The following KRT12 variants were observed in gnomAD, a reference collection of about 807,000 sequenced individuals.
KRT12 encodes keratin, type I cytoskeletal 12.
Under a neutral mutation model 50.2 loss-of-function variants are expected in KRT12, and 43 were observed. That is an observed-to-expected ratio of 0.86 (90% CI 0.67 to 1.11). The LOEUF (loss-of-function observed/expected upper bound fraction) is 1.11, where lower values mean the gene tolerates loss of function less well. KRT12 is among the 50% of genes least tolerant of loss of function. KRT12 has a pLI of 0.00. For synonymous variants in KRT12, 257 were observed against 253.6 expected, an observed-to-expected ratio of 1.01 and a Z score of -0.13; for missense variants, 588 against 625.6, an observed-to-expected ratio of 0.94 and a Z score of 0.64.
intron 2 of KRT12, among the ~76,000 whole-genome samples, chr17:40,865,776 C>G (rs1365903464): frequency 6.6e-6 from 1 of 151,842 alleles, no homozygotes; most frequent in Non-Finnish European, 1.5e-5. Flanking sequence ...TGCAGTGAGC[C>G]GAGATCGCGT....
chr17:40,863,379 TGGAGGGGACCGAAAAGA>T lies in KRT12; in HGVS notation c.1096-53_1096-37del. Reference sequence around the variant, plus strand: ...GAGGGAAATGGCATAGAAATAACGATGGAGGGGACCGAAAAGAGGAGGGTAGCCAACGGCTAATGTAA... The same window carrying T: ...GAGGGAAATGGCATAGAAATAACGATGGAGGGTAGCCAACGGCTAATGTAA... On this transcript the variant is annotated intron_variant, in intron 5 of 7. Transcript: ENST00000251643. This position sits in a 1 kb window ranked among gnomAD's most constrained non-coding sequence, Gnocchi z 4.2. 6.2e-7 allele frequency: 1 copy of T among 1,613,340 alleles called. No individual in the cohort carries two copies. Among genetic ancestry groups the T allele is most frequent in the African/African-American group, 1.3e-5 (1 of 75,046 alleles).
chr17:40,863,627 A>G lies in KRT12; in HGVS notation c.970-17T>C. 6.2e-7 allele frequency: 1 copy of G among 1,614,250 alleles called. No individual in the cohort carries two copies. The highest frequency in any genetic ancestry group is 8.5e-7 in the Non-Finnish European group (1 of 1,180,034). On this transcript the variant is annotated splice_polypyrimidine_tract_variant and intron_variant, in intron 4 of 7. Transcript: ENST00000251643. The surrounding 1 kb of genome is among the most constrained non-coding windows in gnomAD (Gnocchi z 4.2). The stretch of plus-strand genomic sequence containing the variant: ...CTCCCCGCTCTGCAACAGCAAAGAC[A>G]GCCAGGGGGCTCGAGCGCTGAGCTC...
In KRT12 at chr17:40,866,893, C is replaced by A; in HGVS notation, c.294G>T (p.Gly98=). The A allele has an allele frequency of 6.2e-7, 1 of 1,614,036 alleles. No individual in the cohort carries two copies. Among genetic ancestry groups the A allele is most frequent in the Non-Finnish European group, 8.5e-7 (1 of 1,179,988 alleles). Residue 98 remains glycine (G), a synonymous_variant, in exon 1 of 8, where the codon GGG becomes GGT. Transcript: ENST00000251643. ...ALGGGSFGGL[G]MGFGGSPGGG... is the part of the protein sequence containing the mutation. ...CTCCTGGGCTGCCCCCAAATCCCAT[C>A]CCCAGCCCTCCAAAGCTACCTCCAC...
intron 1 of KRT12, 39 bp from the exon 2 acceptor site, chr17:40,866,276 A>G (rs768987637): frequency 6.9e-7 from 1 of 1,453,616 alleles, no homozygotes; most frequent in South Asian, 1.1e-5. Context: ...TTGAAGCCCT[A>G]AAAGACTAGT....
Position 40,863,512 on chromosome 17 carries a change from C to T in KRT12, c.1068G>A (p.Glu356=). 6.2e-7 allele frequency: 1 copy of T among 1,614,254 alleles called. No individual in the cohort carries two copies. The highest frequency in any genetic ancestry group is 1.1e-5 in the South Asian group (1 of 91,084). ...TDLRRAFQNL[E]IELQSQLAMK... ...TGGCGAGCTGGGACTGTAGCTCGAT[C>T]TCCAGGTTCTGAAAGGCGCGACGCA... Residue 356 remains glutamate (E), a synonymous_variant, in exon 5 of 8, where the codon GAG becomes GAA. Coordinates refer to ENST00000251643, the MANE Select transcript of KRT12 (RefSeq NM_000223.4). This position sits in a 1 kb window ranked among gnomAD's most constrained non-coding sequence, Gnocchi z 4.2.
In KRT12 at chr17:40,863,810, C is replaced by T. The variant is rs755608726; in HGVS notation, c.862G>A (p.Ala288Thr). The T allele has an allele frequency of 1.2e-6, 2 of 1,612,028 alleles. No individual in the cohort carries two copies. Among genetic ancestry groups the T allele is most frequent in the Admixed American group, 1.7e-5 (1 of 59,994 alleles). The change falls in exon 4 of 8, where the codon GCT becomes ACT. Residue 288 changes from alanine to threonine, a missense_variant. Coordinates refer to ENST00000251643, the MANE Select transcript of KRT12 (RefSeq NM_000223.4). The surrounding 1 kb of genome is among the most constrained non-coding windows in gnomAD (Gnocchi z 4.2). ...GPGEVSVEMDAAPGVDLTRLL... is the reference protein window; with the variant it reads ...GPGEVSVEMDTAPGVDLTRLL... ...CTGGTGAGGTCCACTCCGGGGGCAG[C>T]GTCCATTTCTACGCTGACCTCGCCT... is the stretch of plus-strand genomic sequence containing the variant.
Position 40,867,143 on chromosome 17 carries a change from G to T in KRT12, c.44C>A (p.Pro15His). 1 of 1,611,686 alleles carries T rather than the reference G, an allele frequency of 6.2e-7. No homozygotes were observed. The change falls in exon 1 of 8, where the codon CCC (proline) becomes CAC (histidine). Residue 15 changes from proline (P) to histidine (H), a missense_variant. Coordinates refer to ENST00000251643, the MANE Select transcript of KRT12 (RefSeq NM_000223.4). ...NNTMSLSVRT[P>H]GLSRRLSSQS... ...CGAGGAGAGCCGCCGGGACAGTCCG[G>T]GGGTGCGCACTGAGAGTGACATGGT...
In KRT12 at chr17:40,863,172, C is replaced by G. The variant is rs746977598; in HGVS notation, c.1267G>C (p.Glu423Gln). Residue 423 changes from glutamate (E) to glutamine (Q), a missense_variant, in exon 6 of 8, where the codon GAG becomes CAG. By Grantham distance (29) the Glu-to-Gln change is conservative. Coordinates refer to ENST00000251643, the MANE Select transcript of KRT12 (RefSeq NM_000223.4). This position sits in a 1 kb window ranked among gnomAD's most constrained non-coding sequence, Gnocchi z 4.2. ...QRLLNVKARLELEIETYRRLL... is the reference protein window; with the variant it reads ...QRLLNVKARLQLEIETYRRLL... ...CGGCGGTAGGTCTCAATCTCCAGCT[C>G]CAGGCGGGCCTTGACATTCAGCAGC... The G allele has an allele frequency of 1.2e-6, 2 of 1,614,168 alleles. No individual in the cohort carries two copies. The highest frequency in any genetic ancestry group is 1.7e-6 in the Non-Finnish European group (2 of 1,180,022).
rs146332400 is a variant in KRT12, at chr17:40,863,607, C to T, written c.973G>A (p.Gly325Arg). ...GTGCTAATCTCCTTACGGAGCTCCC[C>T]GCTCTGCAACAGCAAAGACAGCCAG... is the stretch of plus-strand genomic sequence containing the variant. Reference protein sequence around the residue: ...DAEAWFIEKSGELRKEISTNT... With the variant: ...DAEAWFIEKSRELRKEISTNT... Residue 325 changes from glycine (G) to arginine (R), a missense_variant, in exon 5 of 8, where the codon GGG becomes AGG. Transcript: ENST00000251643. The surrounding 1 kb of genome is among the most constrained non-coding windows in gnomAD (Gnocchi z 4.2). 14 of 1,614,106 alleles carry T rather than the reference C, an allele frequency of 8.7e-6. No individual in the cohort carries two copies. The highest frequency in any genetic ancestry group is 1.7e-5 in the Admixed American group (1 of 60,014).
intron 1 of KRT12, 65 bp from the exon 2 acceptor site, chr17:40,866,302 T>A (rs1164387665): frequency 2.3e-6 from 3 of 1,297,576 alleles, no homozygotes; most frequent in Non-Finnish European, 3.3e-6. Flanking sequence ...ACAAATATAT[T>A]TTTGACACAA....
At chr17:40,862,031 T>C (rs367905419) in intron 7 of KRT12, among the ~76,000 whole-genome samples, 37 of 152,170 alleles carry the variant, frequency 2.4e-4, no homozygotes, top group African/African-American at 8.4e-4. Flanking sequence ...GAGTAGGTTT[T>C]TTCCCTTCTG....
chr17:40,862,161 C>T (rs569811247), intron 7 of KRT12, among the ~76,000 whole-genome samples: 4 of 152,228 alleles, frequency 2.6e-5, no homozygotes, highest in South Asian at 2.1e-4. Context: ...CTCTAACTCC[C>T]GGGCTCAAGC....
In KRT12 at chr17:40,863,727, G is replaced by T. The variant is rs200871858; in HGVS notation, c.945C>A (p.Asp315Glu). 2 of 1,613,788 alleles carry T rather than the reference G, an allele frequency of 1.2e-6. No homozygotes were observed. Among genetic ancestry groups the T allele is most frequent in the East Asian group, 2.2e-5 (1 of 44,882 alleles). The change falls in exon 4 of 8, where the codon GAC becomes GAA. Residue 315 changes from aspartate to glutamate, a missense_variant. Physicochemically the swap from Asp to Glu is conservative, Grantham distance 45. Coordinates refer to ENST00000251643, the MANE Select transcript of KRT12 (RefSeq NM_000223.4). This position sits in a 1 kb window ranked among gnomAD's most constrained non-coding sequence, Gnocchi z 4.2. ...YETIAEQNRK[D>E]AEAWFIEKSG... ...CCTTTTCAATGAACCAGGCTTCAGC[G>T]TCCTTCCGATTCTGCTCAGCGATGG...
At chr17:40,864,997 A>G in intron 2 of KRT12, 35 bp from the exon 3 acceptor site, 3 of 1,612,916 alleles carry the variant, frequency 1.9e-6, no homozygotes, top group Non-Finnish European at 2.5e-6. Flanking sequence ...GAGGGAATCA[A>G]CACAACCATT....
In KRT12 at chr17:40,863,412, G is replaced by T; in HGVS notation, c.1096-69C>A. The T allele has an allele frequency of 6.2e-7, 1 of 1,613,658 alleles. No homozygotes were observed. The highest frequency in any genetic ancestry group is 1.1e-5 in the South Asian group (1 of 91,072). On this transcript the variant is annotated intron_variant, in intron 5 of 7. Coordinates refer to ENST00000251643, the MANE Select transcript of KRT12 (RefSeq NM_000223.4). This position sits in a 1 kb window ranked among gnomAD's most constrained non-coding sequence, Gnocchi z 4.2. Reference sequence around the variant, plus strand: ...ACCGAAAAGAGGAGGGTAGCCAACGGCTAATGTAATTTGGATGCAGCATTT... The same window carrying T: ...ACCGAAAAGAGGAGGGTAGCCAACGTCTAATGTAATTTGGATGCAGCATTT...
chr17:40,863,758 T>A lies in KRT12; in HGVS notation c.914A>T (p.Tyr305Phe), dbSNP rs770740019. Residue 305 changes from tyrosine to phenylalanine, a missense_variant, in exon 4 of 8, where the codon TAT (tyrosine) becomes TTT (phenylalanine). Transcript: ENST00000251643. The surrounding 1 kb of genome is among the most constrained non-coding windows in gnomAD (Gnocchi z 4.2). ...TRLLNDMRAQ[Y>F]ETIAEQNRKD... ...CCGATTCTGCTCAGCGATGGTTTCATACTGCGCCCGCATATCATTGAGGAG... is the reference window on the plus strand; with the variant it reads ...CCGATTCTGCTCAGCGATGGTTTCAAACTGCGCCCGCATATCATTGAGGAG... The A allele has an allele frequency of 6.2e-7, 1 of 1,613,334 alleles. No homozygotes were observed. Among genetic ancestry groups the A allele is most frequent in the South Asian group, 1.1e-5 (1 of 91,056 alleles).
chr17:40,863,537 A>G lies in KRT12; in HGVS notation c.1043T>C (p.Leu348Pro), dbSNP rs1906885108. The change falls in exon 5 of 8, where the codon CTG becomes CCG. Residue 348 changes from leucine to proline, a missense_variant. Transcript: ENST00000251643. This position sits in a 1 kb window ranked among gnomAD's most constrained non-coding sequence, Gnocchi z 4.2. Reference protein sequence around the residue: ...LQSSKSEVTDLRRAFQNLEIE... With the variant: ...LQSSKSEVTDPRRAFQNLEIE... ...CTCCAGGTTCTGAAAGGCGCGACGC[A>G]GGTCGGTGACCTCGCTCTTGCTGGA... is the stretch of plus-strand genomic sequence containing the variant. 6.2e-7 allele frequency: 1 copy of G among 1,614,250 alleles called. No homozygotes were observed.
Position 40,863,551 on chromosome 17 carries a change from G to A in KRT12, c.1029C>T (p.Ser343=), listed in dbSNP as rs763773322. 8 of 1,614,244 alleles carry A rather than the reference G, an allele frequency of 5.0e-6. No individual in the cohort carries two copies. The South Asian group carries it at 8.8e-5, about 18-fold the overall frequency. ...AGGCGCGACGCAGGTCGGTGACCTC[G>A]CTCTTGCTGGACTGAAGCTGCTCGG... The part of the protein sequence containing the change: ...TNTEQLQSSK[S]EVTDLRRAFQ... Residue 343 remains serine, a synonymous_variant, in exon 5 of 8, where the codon AGC becomes AGT. Coordinates refer to ENST00000251643, the MANE Select transcript of KRT12 (RefSeq NM_000223.4). The surrounding 1 kb of genome is among the most constrained non-coding windows in gnomAD (Gnocchi z 4.2).
rs1906915150 is a variant in KRT12, at chr17:40,863,960, A to ACACACACACG, written c.808-97_808-96insCGTGTGTGTG. ...TCCTCTTGGGCCCCTTCCTACACAC[A>ACACACACACG]CACACACACACACACACACACACAC... On this transcript the variant is annotated intron_variant, in intron 3 of 7. Coordinates refer to ENST00000251643, the MANE Select transcript of KRT12 (RefSeq NM_000223.4). The surrounding 1 kb of genome is among the most constrained non-coding windows in gnomAD (Gnocchi z 4.2). 3 of 609,396 alleles carry ACACACACACG rather than the reference A, an allele frequency of 4.9e-6. No individual in the cohort carries two copies. The Admixed American group carries it at 9.0e-5, about 18-fold the overall frequency. 37.7% of individuals were successfully genotyped at this position (609,396 alleles called of 1,614,324 possible). A position where few individuals can be genotyped will look rare whatever the true frequency, so the allele number is the denominator to read the frequency against.
Sources: allele counts gnomAD v4.1 joint callset (sites outside exome capture counted in the v4.1 genomes callset), GRCh38; gene constraint gnomAD v4.1.1; non-coding constraint Gnocchi (gnomAD v3.1); transcripts MANE v1.5; gene names NCBI Gene and HGNC (gene_info 2026-07-23, HGNC 2026-07-21).